SNTG2: variants seen among roughly 807,000 people sequenced by gnomAD.
SNTG2 encodes syntrophin gamma 2, also known as gamma-2-syntrophin.
A neutral mutation model predicts 70.9 loss-of-function variants in SNTG2; 74 were observed. The observed-to-expected ratio is 1.04, with a 90% CI of 0.86 to 1.27. The LOEUF is 1.27. SNTG2 is among the 50% of genes most tolerant of loss of function. The probability of loss-of-function intolerance (pLI) is 0.00; values close to 1 mark genes in which losing one functional copy is unlikely to be tolerated. For missense variants in SNTG2, 717 were observed against 690.7 expected (o/e 1.04, Z -0.43); for synonymous variants, 278 against 273.8 (o/e 1.02, Z -0.15).
At chr2:966,962 CAAACAAA>C (rs1331759826) in intron 1 of SNTG2, among the ~76,000 whole-genome samples, 1 of 131,448 alleles carries the variant, frequency 7.6e-6, no homozygotes, top group African/African-American at 3.0e-5. Flanking sequence ...AACAAACAAA[CAAACAAA>C]AAAACAAATA....
intron 13 of SNTG2, among the ~76,000 whole-genome samples, chr2:1,264,370 A>C (rs1473851090): frequency 6.6e-6 from 1 of 152,220 alleles, no homozygotes; most frequent in Non-Finnish European, 1.5e-5. Flanking sequence ...CTCTCCAGTA[A>C]ATTGCAGAGC....
At chr2:1,067,962 G>A (rs566736556) in intron 1 of SNTG2, among the ~76,000 whole-genome samples, 17 of 152,274 alleles carry the variant, frequency 1.1e-4, no homozygotes, top group South Asian at 4.1e-4. Context: ...GAGCTTTGGG[G>A]TGACACTTAG....
intron 4 of SNTG2, among the ~76,000 whole-genome samples, chr2:1,137,223 A>G (rs986614300): frequency 2.0e-5 from 3 of 150,836 alleles, no homozygotes; most frequent in African/African-American, 7.3e-5. Flanking sequence ...TGGCACACAC[A>G]TCAACAGATT....
At chr2:1,006,235 G>A (rs1013862219) in intron 1 of SNTG2, among the ~76,000 whole-genome samples, 2 of 151,212 alleles carry the variant, frequency 1.3e-5, no homozygotes, top group Non-Finnish European at 2.9e-5. Flanking sequence ...TGGGTGCAGC[G>A]CACTAGCATG....
intron 12 of SNTG2, among the ~76,000 whole-genome samples, chr2:1,251,091 C>T (rs929671290): frequency 3.3e-5 from 5 of 152,308 alleles, no homozygotes; most frequent in East Asian, 1.9e-4. Context: ...AAAGGGTCAG[C>T]GAGGACCCGA....
intron 16 of SNTG2, among the ~76,000 whole-genome samples, chr2:1,318,924 G>A (rs751376432): frequency 1.3e-5 from 2 of 152,112 alleles, no homozygotes; most frequent in East Asian, 1.9e-4. Flanking sequence ...CATCCCCGGG[G>A]CTCAGGCTTC....
chr2:1,299,148 G>A (rs928164010), intron 14 of SNTG2, among the ~76,000 whole-genome samples: 2 of 152,204 alleles, frequency 1.3e-5, no homozygotes, highest in Admixed American at 1.3e-4. Context: ...GCAACATCGG[G>A]AGCCAACAGT....
chr2:1,051,709 CA>C (rs1343803242), intron 1 of SNTG2, among the ~76,000 whole-genome samples: 1 of 152,194 alleles, frequency 6.6e-6, no homozygotes, highest in Non-Finnish European at 1.5e-5. Flanking sequence ...GCCCACGTGG[CA>C]AAACACTAAA....
intron 8 of SNTG2, among the ~76,000 whole-genome samples, chr2:1,206,060 A>C (rs1673611594): frequency 6.6e-6 from 1 of 152,200 alleles, no homozygotes; most frequent in African/African-American, 2.4e-5. Context: ...TTCCTGTTGG[A>C]AGCAGCAAGA....
rs1676784646 is a variant in SNTG2, at chr2:1,237,918, C to T, written c.750C>T (p.Asp250=). Residue 250 remains aspartate, a synonymous_variant, in exon 10 of 17, where the codon GAC becomes GAT. Transcript: ENST00000308624. ...RWNAFEVLAL[D]GVSSGILRFY... is the part of the protein sequence containing the mutation. ...ATGCGTTCGAGGTGCTCGCCCTGGA[C>T]GGAGTCAGCTCTGGGATCCTCCGGT... 5 of 1,605,930 alleles carry T rather than the reference C, an allele frequency of 3.1e-6. No homozygotes were observed. Among genetic ancestry groups the T allele is most frequent in the Non-Finnish European group, 4.2e-6 (5 of 1,176,672 alleles).
chr2:1,319,897 G>A (rs1681443027), intron 16 of SNTG2, among the ~76,000 whole-genome samples: 1 of 152,196 alleles, frequency 6.6e-6, no homozygotes, highest in Non-Finnish European at 1.5e-5. Context: ...GAGTCCACGG[G>A]AATGAATTCT....
intron 12 of SNTG2, among the ~76,000 whole-genome samples, chr2:1,255,897 T>A (rs1264976460): frequency 1.9e-4 from 11 of 57,790 alleles, no homozygotes; most frequent in South Asian, 7.2e-4. Flanking sequence ...TATATATAAA[T>A]ATATATATAA....
At chr2:1,300,543 A>T (rs187620739) in intron 14 of SNTG2, among the ~76,000 whole-genome samples, 235 of 152,250 alleles carry the variant, frequency 1.5e-3, no homozygotes, top group African/African-American at 5.2e-3. Flanking sequence ...CCCTGCTTGT[A>T]AGGTGGCTCT....
chr2:1,293,956 A>G (rs1272257082), intron 14 of SNTG2, among the ~76,000 whole-genome samples: 1 of 152,182 alleles, frequency 6.6e-6, no homozygotes, highest in African/African-American at 2.4e-5. Context: ...GACTAAGAAC[A>G]TTCAAGATGT....
At chr2:1,141,870 G>A (rs1185758398) in intron 6 of SNTG2, among the ~76,000 whole-genome samples, 2 of 152,130 alleles carry the variant, frequency 1.3e-5, no homozygotes, top group African/African-American at 2.4e-5. Context: ...GCTGTCCCCC[G>A]ACCCACATTA....
chr2:1,194,617 T>C (rs1053888523), intron 8 of SNTG2, among the ~76,000 whole-genome samples: 2 of 152,162 alleles, frequency 1.3e-5, no homozygotes, highest in African/African-American at 4.8e-5. Context: ...CCCATTATGT[T>C]TGTGCTGATT....
At chr2:1,054,149 G>C (rs1043970856) in intron 1 of SNTG2, among the ~76,000 whole-genome samples, 1 of 152,136 alleles carries the variant, frequency 6.6e-6, no homozygotes, top group Non-Finnish European at 1.5e-5. Flanking sequence ...CCCTGATTCA[G>C]ACGGGCGGAC....
At chr2:1,151,534 T>A (rs765283628) in intron 6 of SNTG2, among the ~76,000 whole-genome samples, 2 of 152,200 alleles carry the variant, frequency 1.3e-5, no homozygotes, top group Non-Finnish European at 2.9e-5. Context: ...GCTTTCCCCC[T>A]AGATTGAAGC....
intron 4 of SNTG2, among the ~76,000 whole-genome samples, chr2:1,131,642 C>A (rs1558436367): frequency 6.6e-6 from 1 of 150,670 alleles, no homozygotes; most frequent in Admixed American, 6.6e-5. Flanking sequence ...AATCCTTTTT[C>A]TTTTTTTTTC....
Sources: gnomAD v4.1 joint callset for allele counts (sites outside exome capture counted in the v4.1 genomes callset) on GRCh38, gnomAD v4.1.1 for gene constraint, MANE v1.5 for transcripts, NCBI Gene and HGNC (gene_info 2026-07-23, HGNC 2026-07-21) for gene names.